The following SUFU variants were observed in gnomAD, a reference collection of about 807,000 sequenced individuals.
SUFU encodes SUFU negative regulator of hedgehog signaling.
In SUFU, 7 loss-of-function variants were observed where a neutral mutation model predicts 58.9. That is an observed-to-expected ratio of 0.12 (90% CI 0.07 to 0.22). The LOEUF is 0.22. SUFU is among the 10% of genes least tolerant of loss of function. The pLI is 1.00. For missense variants in SUFU, 451 were observed against 641.3 expected, an observed-to-expected ratio of 0.70 and a Z score of 3.20; for synonymous variants, 232 against 254.8, an observed-to-expected ratio of 0.91 and a Z score of 0.85.
chr10:102,511,574 T>C (rs2062401463), intron 2 of SUFU, among the ~76,000 whole-genome samples: 1 of 152,226 alleles, frequency 6.6e-6, no homozygotes, highest in Non-Finnish European at 1.5e-5. Flanking sequence ...CTTTACAATC[T>C]TATCAGGGTC....
chr10:102,615,525 A>C, intron 9 of SUFU, 123 bp downstream of exon 9: 1 of 1,449,530 alleles, frequency 6.9e-7, no homozygotes. Flanking sequence ...CCAAGGAGCC[A>C]CCAGGCCCGT....
intron 3 of SUFU, among the ~76,000 whole-genome samples, chr10:102,551,832 C>A (rs1178846144): frequency 2.2e-5 from 3 of 136,834 alleles, no homozygotes; most frequent in Non-Finnish European, 4.6e-5. Flanking sequence ...TCAGGCCATT[C>A]TCCTGCTTGA....
chr10:102,605,085 A>ATTTTTGTAT (rs2063550342), intron 8 of SUFU, among the ~76,000 whole-genome samples: 1 of 151,852 alleles, frequency 6.6e-6, no homozygotes, highest in Non-Finnish European at 1.5e-5. Flanking sequence ...CGTCCAGCTA[A>ATTTTTGTAT]TTTTTGTATT....
At chr10:102,524,675 AT>A (rs979009214) in intron 2 of SUFU, among the ~76,000 whole-genome samples, 4 of 151,730 alleles carry the variant, frequency 2.6e-5, no homozygotes, top group African/African-American at 2.4e-5. Flanking sequence ...GCTTTAAGAA[AT>A]TTTTTTTTAA....
At chr10:102,525,760 T>C (rs1282686782) in intron 2 of SUFU, among the ~76,000 whole-genome samples, 1 of 152,288 alleles carries the variant, frequency 6.6e-6, no homozygotes, top group East Asian at 1.9e-4. Context: ...TGCCTCGGTG[T>C]CCCAAAGTGC....
At chr10:102,610,661 A>G (rs2063613662) in intron 8 of SUFU, among the ~76,000 whole-genome samples, 1 of 152,214 alleles carries the variant, frequency 6.6e-6, no homozygotes, top group Non-Finnish European at 1.5e-5. Context: ...TTTCCTGTTT[A>G]CTTTTTAATC....
At chr10:102,524,947 C>T (rs533289823) in intron 2 of SUFU, among the ~76,000 whole-genome samples, 4 of 152,116 alleles carry the variant, frequency 2.6e-5, no homozygotes, top group Non-Finnish European at 5.9e-5. Context: ...GCACCAAGCC[C>T]GAGCTTTTAG....
At chr10:102,560,137 G>C (rs2063021024) in intron 3 of SUFU, among the ~76,000 whole-genome samples, 2 of 152,152 alleles carry the variant, frequency 1.3e-5, no homozygotes, top group South Asian at 4.1e-4. Context: ...AGAAATACTT[G>C]CTCATTATAA....
At position 102,625,302 on chromosome 10, in the gene SUFU, C is replaced by G. The variant is rs1333322850; in HGVS notation, c.1297-1873C>G. Among the ~76,000 whole-genome samples the G allele has an allele frequency of 6.6e-6, 1 of 152,164 alleles. No homozygotes were observed. The highest frequency in any genetic ancestry group is 6.5e-5 in the Admixed American group (1 of 15,276). ...CCTCCCCGAACTTTGCCAACTTTGC[C>G]TCTCCTGCTCTGTCTCTAAGCCTTG... On this transcript the variant is annotated intron_variant, in intron 10 of 11. Coordinates refer to ENST00000369902, the MANE Select transcript of SUFU (RefSeq NM_016169.4). The surrounding 1 kb of genome is among the most constrained non-coding windows in gnomAD (Gnocchi z 4.7).
intron 3 of SUFU, among the ~76,000 whole-genome samples, chr10:102,580,971 C>T (rs958856664): frequency 1.3e-5 from 2 of 151,904 alleles, no homozygotes; most frequent in African/African-American, 4.8e-5. Flanking sequence ...CACTTGAGGT[C>T]AGGAGTTCAA....
At chr10:102,598,809 G>A (rs1039434503) in intron 7 of SUFU, among the ~76,000 whole-genome samples, 2 of 152,168 alleles carry the variant, frequency 1.3e-5, no homozygotes, top group African/African-American at 4.8e-5. Flanking sequence ...AGACTAGTAA[G>A]CTTCATCCCA....
At chr10:102,627,281 C>A in intron 11 of SUFU, 38 bp downstream of exon 11, 1 of 1,560,666 alleles carries the variant, frequency 6.4e-7, no homozygotes, top group South Asian at 1.1e-5. Flanking sequence ...CAGGTCCCGT[C>A]TCTGGGACCA....
At position 102,628,946 on chromosome 10, in the gene SUFU, G is replaced by A. The variant is rs1304898314; in HGVS notation, c.1366-1120G>A. Among the ~76,000 whole-genome samples, 6 of 152,166 alleles carry A rather than the reference G, an allele frequency of 3.9e-5. No individual in the cohort carries two copies. The highest frequency in any genetic ancestry group is 2.0e-4 in the Admixed American group (3 of 15,292). On this transcript the variant is annotated intron_variant, in intron 11 of 11. Coordinates refer to ENST00000369902, the MANE Select transcript of SUFU (RefSeq NM_016169.4). This position sits in a 1 kb window ranked among gnomAD's most constrained non-coding sequence, Gnocchi z 4.5. ...CGAGGCAGGTGGATCACCTGAGGTC[G>A]GGAATTTGAGACCAGCCTGACCAAC...
chr10:102,562,367 A>G (rs1457370967), intron 3 of SUFU, among the ~76,000 whole-genome samples: 2 of 152,116 alleles, frequency 1.3e-5, no homozygotes, highest in Non-Finnish European at 2.9e-5. Context: ...TACTAAAAAT[A>G]TAAAAATTTA....
chr10:102,519,865 G>A (rs1354298062), intron 2 of SUFU, among the ~76,000 whole-genome samples: 1 of 152,022 alleles, frequency 6.6e-6, no homozygotes, highest in Non-Finnish European at 1.5e-5. Context: ...TCCGTTTCCT[G>A]GGTTCAAGCA....
rs1019334064 is a variant in SUFU, at chr10:102,619,664, C to G, written c.1296+2236C>G. ...CGGATTCTCAGCAGTGGAGCCAACA[C>G]CCACACCAGCCCTCCTCCCCCTGCC... On this transcript the variant is annotated intron_variant, in intron 10 of 11. Transcript: ENST00000369902. The surrounding 1 kb of genome is among the most constrained non-coding windows in gnomAD (Gnocchi z 4.2). Among the ~76,000 whole-genome samples the G allele has an allele frequency of 6.6e-6, 1 of 152,204 alleles. No individual in the cohort carries two copies. The highest frequency in any genetic ancestry group is 1.5e-5 in the Non-Finnish European group (1 of 68,036).
At chr10:102,609,352 A>G (rs2063597794) in intron 8 of SUFU, among the ~76,000 whole-genome samples, 1 of 152,180 alleles carries the variant, frequency 6.6e-6, no homozygotes, top group African/African-American at 2.4e-5. Flanking sequence ...CCAGGGACCA[A>G]TATAGGTCTG....
chr10:102,617,677 C>T lies in SUFU; in HGVS notation c.1296+249C>T, dbSNP rs2063701350. ...AGACACAAGTGTTAACTCTCCAGGC[C>T]CTGGCTCTTGGTAATTCTGGTTCCC... On this transcript the variant is annotated intron_variant, in intron 10 of 11. Coordinates refer to ENST00000369902, the MANE Select transcript of SUFU (RefSeq NM_016169.4). The surrounding 1 kb of genome is among the most constrained non-coding windows in gnomAD (Gnocchi z 4.4). 2 of 613,084 alleles carry T rather than the reference C, an allele frequency of 3.3e-6. No individual in the cohort carries two copies. Among genetic ancestry groups the T allele is most frequent in the Non-Finnish European group, 2.9e-6 (1 of 339,210 alleles). The allele number at this position is 613,084 out of a possible 1,614,324, so 38.0% of individuals were successfully genotyped here.
At chr10:102,594,101 T>C in intron 6 of SUFU, 36 bp downstream of exon 6, 1 of 1,603,196 alleles carries the variant, frequency 6.2e-7, no homozygotes, top group Non-Finnish European at 8.5e-7. Flanking sequence ...TCTAGCACCC[T>C]GTGCCTAGGC....
Sources: gnomAD v4.1 joint callset for allele counts (sites outside exome capture counted in the v4.1 genomes callset) on GRCh38, gnomAD v4.1.1 for gene constraint, Gnocchi (gnomAD v3.1) non-coding constraint, MANE v1.5 for transcripts, NCBI Gene and HGNC (gene_info 2026-07-23, HGNC 2026-07-21) for gene names.